The following ASIC2 variants were observed in gnomAD, a reference collection of about 807,000 sequenced individuals.
ASIC2 encodes acid sensing ion channel subunit 2, also known as acid-sensing ion channel 2.
ASIC2 carries 25 observed loss-of-function variants against 57.3 expected under a neutral mutation model. The observed-to-expected ratio is 0.44, with a 90% CI of 0.32 to 0.61. The LOEUF (loss-of-function observed/expected upper bound fraction) is 0.61. Ranked by LOEUF, ASIC2 falls within the 20% of genes least tolerant of loss-of-function variation. ASIC2 has a pLI of 0.06. For synonymous variants in ASIC2, 319 were observed against 307.5 expected (o/e 1.04, Z -0.39); for missense variants, 641 against 738.1 (o/e 0.87, Z 1.52).
chr17:33,330,502 C>T, intron 1 of ASIC2, among the ~76,000 whole-genome samples: 1 of 152,182 alleles, frequency 6.6e-6, no homozygotes, highest in Non-Finnish European at 1.5e-5. Context: ...CCTTCGGGCT[C>T]AGTCATATTG....
intron 1 of ASIC2, among the ~76,000 whole-genome samples, chr17:33,940,296 G>C (rs534156617): frequency 2.2e-4 from 34 of 152,082 alleles, no homozygotes; most frequent in African/African-American, 8.2e-4. Flanking sequence ...CATATTCTGG[G>C]TTCCCTGTAG....
intron 3 of ASIC2, among the ~76,000 whole-genome samples, chr17:33,041,869 G>A (rs2091931113): frequency 6.6e-6 from 1 of 152,164 alleles, no homozygotes; most frequent in Non-Finnish European, 1.5e-5. Flanking sequence ...CCATCTGTAA[G>A]GGGCACTATA....
intron 1 of ASIC2, among the ~76,000 whole-genome samples, chr17:33,143,511 C>T (rs574248330): frequency 1.3e-5 from 2 of 152,134 alleles, no homozygotes; most frequent in African/African-American, 4.8e-5. Flanking sequence ...TTATTAACCC[C>T]ATTTTGGGAA....
chr17:33,351,386 A>C (rs979749954), intron 1 of ASIC2, among the ~76,000 whole-genome samples: 2 of 152,170 alleles, frequency 1.3e-5, no homozygotes, highest in Non-Finnish European at 2.9e-5. Flanking sequence ...CCAGACGTTC[A>C]TCTCTTCTCA....
intron 1 of ASIC2, among the ~76,000 whole-genome samples, chr17:33,608,377 A>G (rs1332107538): frequency 1.3e-5 from 2 of 152,162 alleles, no homozygotes; most frequent in African/African-American, 4.8e-5. Context: ...CCTAGAGTTC[A>G]TATAAAAGTC....
At position 33,394,660 on chromosome 17, in the gene ASIC2, G is replaced by A. The variant is rs973820433; in HGVS notation, c.556-282593C>T. Among the ~76,000 whole-genome samples the A allele has an allele frequency of 4.6e-5, 7 of 152,098 alleles. No homozygotes were observed. The East Asian group carries it at 1.4e-3, about 29-fold the overall frequency. Reference sequence around the variant, plus strand: ...GTGAGCCAAGTGAGGCACCCAGGGAGGCAAAATTTGTGGACAGTGAGTGCC... The same window carrying A: ...GTGAGCCAAGTGAGGCACCCAGGGAAGCAAAATTTGTGGACAGTGAGTGCC... On this transcript the variant is annotated intron_variant, in intron 1 of 9. Coordinates refer to the ASIC2 transcript ENST00000359872.
At chr17:33,511,727 A>G (rs999838906) in intron 1 of ASIC2, among the ~76,000 whole-genome samples, 7 of 152,224 alleles carry the variant, frequency 4.6e-5, no homozygotes, top group African/African-American at 1.7e-4. Flanking sequence ...TGCACAAGCC[A>G]GCATGGTCTT....
At chr17:33,930,566 G>A (rs1054676273) in intron 1 of ASIC2, among the ~76,000 whole-genome samples, 6 of 152,212 alleles carry the variant, frequency 3.9e-5, no homozygotes, top group African/African-American at 1.4e-4. Context: ...CTCATGCTGT[G>A]AGCAACACAA....
At position 33,519,072 on chromosome 17, in the gene ASIC2, G is replaced by A. The variant is rs546493268; in HGVS notation, c.556-407005C>T. On this transcript the variant is annotated intron_variant, in intron 1 of 9. Transcript: ENST00000359872. The stretch of plus-strand genomic sequence containing the variant: ...CCTGACCTCGTGATCCGCCCGCCTC[G>A]GCCTCCCAAAGTGCTGGGATTACAG... Among the ~76,000 whole-genome samples, 7 of 152,140 alleles carry A rather than the reference G, an allele frequency of 4.6e-5. No individual in the cohort carries two copies. In the East Asian group the frequency reaches 7.7e-4, roughly 17 times the overall value.
At chr17:33,169,401 C>G (rs1467916936) in intron 1 of ASIC2, among the ~76,000 whole-genome samples, 1 of 152,184 alleles carries the variant, frequency 6.6e-6, no homozygotes, top group Non-Finnish European at 1.5e-5. Flanking sequence ...AAAGGCACTA[C>G]CTCACTCAGA....
chr17:33,130,126 T>G (rs1184661564), intron 1 of ASIC2, among the ~76,000 whole-genome samples: 1 of 152,186 alleles, frequency 6.6e-6, no homozygotes, highest in East Asian at 1.9e-4. Context: ...CTTTAGCCTC[T>G]TGAACCTGGT....
intron 1 of ASIC2, among the ~76,000 whole-genome samples, chr17:33,202,957 C>T (rs967739556): frequency 2.6e-5 from 4 of 152,172 alleles, no homozygotes; most frequent in African/African-American, 9.7e-5. Flanking sequence ...CACTCCTCTG[C>T]GTCCTGCTCA....
chr17:33,015,890 G>T, intron 9 of ASIC2, 81 bp downstream of exon 9: 1 of 1,485,570 alleles, frequency 6.7e-7, no homozygotes, highest in Non-Finnish European at 9.3e-7. Flanking sequence ...CATCTTTCCT[G>T]CCCGGCCCCA....
intron 1 of ASIC2, among the ~76,000 whole-genome samples, chr17:33,455,204 T>C (rs1912406606): frequency 6.6e-6 from 1 of 152,230 alleles, no homozygotes; most frequent in Admixed American, 6.5e-5. Flanking sequence ...TTCCAACTTT[T>C]ATTTTAGACT....
chr17:33,197,750 G>T (rs902205490), intron 1 of ASIC2, among the ~76,000 whole-genome samples: 1 of 152,194 alleles, frequency 6.6e-6, no homozygotes, highest in East Asian at 1.9e-4. Flanking sequence ...TGTGGGTCAG[G>T]GACCCCTCTC....
At chr17:33,400,217 T>C (rs1835851820) in intron 1 of ASIC2, among the ~76,000 whole-genome samples, 1 of 152,210 alleles carries the variant, frequency 6.6e-6, no homozygotes, top group Non-Finnish European at 1.5e-5. Context: ...GGACAACTGA[T>C]TGGCTGAGGT....
At chr17:33,660,865 C>T (rs986844080) in intron 1 of ASIC2, among the ~76,000 whole-genome samples, 3 of 152,200 alleles carry the variant, frequency 2.0e-5, no homozygotes, top group Non-Finnish European at 4.4e-5. Flanking sequence ...ACTGCACCCA[C>T]ACGTTGAGAG....
At chr17:33,980,933 T>A (rs1905592526) in intron 1 of ASIC2, 1 of 113,142 alleles carries the variant, frequency 8.8e-6, no homozygotes, top group Non-Finnish European at 1.8e-5. Context: ...CATCCCTTCC[T>A]CAAGTGTAAT....
chr17:33,701,073 G>C (rs542427260), intron 1 of ASIC2, among the ~76,000 whole-genome samples: 8 of 152,298 alleles, frequency 5.3e-5, no homozygotes, highest in Non-Finnish European at 8.8e-5. Context: ...CTATCATTTT[G>C]ATGTACAGTT....
Sources: allele counts gnomAD v4.1 joint callset (sites outside exome capture counted in the v4.1 genomes callset), GRCh38; gene constraint gnomAD v4.1.1; transcripts MANE v1.5; gene names NCBI Gene and HGNC (gene_info 2026-07-23, HGNC 2026-07-21).